OXR1: variants seen among roughly 807,000 people sequenced by gnomAD.
OXR1 encodes the protein oxidation resistance 1, also known as oxidation resistance protein 1.
In OXR1, 41 loss-of-function variants were observed where a neutral mutation model predicts 104.6. The observed-to-expected ratio is 0.39, with a 90% CI of 0.31 to 0.51. The LOEUF (loss-of-function observed/expected upper bound fraction) is 0.51. Ranked by LOEUF, OXR1 falls within the 20% of genes least tolerant of loss-of-function variation. The pLI is 0.77. For synonymous variants in OXR1, 348 were observed against 348.4 expected (o/e 1.00, Z 0.01); for missense variants, 955 against 1,031.9 (o/e 0.93, Z 1.02).
At chr8:106,741,077 T>A (rs1834880740) in intron 14 of OXR1, among the ~76,000 whole-genome samples, 1 of 152,150 alleles carries the variant, frequency 6.6e-6, no homozygotes, top group Non-Finnish European at 1.5e-5. Context: ...TATTTAATCA[T>A]GAAAGCCCTA....
intron 3 of OXR1, among the ~76,000 whole-genome samples, chr8:106,667,780 T>G (rs1309088294): frequency 6.6e-6 from 1 of 152,102 alleles, no homozygotes; most frequent in Non-Finnish European, 1.5e-5. Context: ...TCTAATCCAG[T>G]CACCCAGAGA....
chr8:106,706,535 G>A lies in OXR1; in HGVS notation c.1014G>A (p.Val338=). ...CTGAGGAGTCTCTTTCTGAAGATGT[G>A]TTCACAGAATCAGAACTTTCCCCTA... ...RSTEESLSED[V]FTESELSPIR... The change falls in exon 9 of 17, where the codon GTG becomes GTA. Residue 338 remains valine, a synonymous_variant. Transcript: ENST00000517566. 1.2e-6 allele frequency: 2 copies of A among 1,608,296 alleles called. No individual in the cohort carries two copies. The highest frequency in any genetic ancestry group is 2.2e-5 in the South Asian group (2 of 89,746).
intron 1 of OXR1, among the ~76,000 whole-genome samples, chr8:106,304,932 A>G (rs750680164): frequency 6.6e-6 from 1 of 152,176 alleles, no homozygotes; most frequent in Non-Finnish European, 1.5e-5. Flanking sequence ...GCAGAAGTCC[A>G]CATGCCTAGT....
At chr8:106,675,847 T>A (rs1827529163) in intron 3 of OXR1, among the ~76,000 whole-genome samples, 1 of 152,150 alleles carries the variant, frequency 6.6e-6, no homozygotes, top group African/African-American at 2.4e-5. Flanking sequence ...TCTTTGTTAA[T>A]TTTCTGTCTC....
intron 4 of OXR1, 72 bp from the exon 5 acceptor site, chr8:106,683,127 A>T (rs989670159): frequency 4.2e-6 from 3 of 710,186 alleles, no homozygotes; most frequent in Admixed American, 2.2e-5. Context: ...AGATATATTA[A>T]TGCTCATTAA....
At chr8:106,686,257 C>T (rs1828705289) in intron 6 of OXR1, among the ~76,000 whole-genome samples, 1 of 148,108 alleles carries the variant, frequency 6.8e-6, no homozygotes, top group Admixed American at 6.9e-5. Context: ...CACACCTGCT[C>T]CCTGAAAACA....
chr8:106,697,560 G>A (rs768082290), intron 7 of OXR1: 10 of 1,611,320 alleles, frequency 6.2e-6, no homozygotes, highest in South Asian at 4.4e-5. Context: ...ATTTCTTAGG[G>A]AACCAGTTGG....
At chr8:106,384,871 A>G (rs1008979483) in intron 2 of OXR1, among the ~76,000 whole-genome samples, 2 of 151,338 alleles carry the variant, frequency 1.3e-5, no homozygotes, top group Admixed American at 1.3e-4. Context: ...TGCACCACCA[A>G]GTCCAGCTAA....
chr8:106,405,623 C>T (rs1276531917), intron 2 of OXR1, among the ~76,000 whole-genome samples: 2 of 152,092 alleles, frequency 1.3e-5, no homozygotes, highest in East Asian at 1.9e-4. Flanking sequence ...ACCATGTGAA[C>T]AATCATAGGC....
chr8:106,299,624 C>T (rs1164843972), intron 1 of OXR1, among the ~76,000 whole-genome samples: 1 of 152,030 alleles, frequency 6.6e-6, no homozygotes, highest in Non-Finnish European at 1.5e-5. Flanking sequence ...TTCTCATATA[C>T]TCTTTCTCTT....
intron 8 of OXR1, 115 bp from the exon 9 acceptor site, chr8:106,706,267 C>T (rs553678189): frequency 4.4e-4 from 280 of 630,200 alleles, no homozygotes; most frequent in Non-Finnish European, 6.4e-4. Flanking sequence ...GAGATACGTG[C>T]TACATCCTTT....
At chr8:106,383,256 T>A (rs1308223931) in intron 2 of OXR1, among the ~76,000 whole-genome samples, 1 of 152,184 alleles carries the variant, frequency 6.6e-6, no homozygotes, top group Admixed American at 6.6e-5. Context: ...ATTAAAGTTG[T>A]TTTTATATTT....
chr8:106,688,340 CTAAT>C (rs1219433312), intron 6 of OXR1, among the ~76,000 whole-genome samples: 2 of 151,694 alleles, frequency 1.3e-5, no homozygotes, highest in Non-Finnish European at 2.9e-5. Context: ...GTATAATACT[CTAAT>C]CAATCTAAAA....
At chr8:106,372,488 A>T (rs1015988543) in intron 2 of OXR1, among the ~76,000 whole-genome samples, 1 of 152,098 alleles carries the variant, frequency 6.6e-6, no homozygotes, top group African/African-American at 2.4e-5. Context: ...ATACATGTTA[A>T]GCATCCCTAA....
At chr8:106,559,782 G>A (rs57356491) in intron 3 of OXR1, among the ~76,000 whole-genome samples, 4,734 of 152,104 alleles carry the variant, frequency 0.031, 132 homozygotes, top group African/African-American at 0.073. Context: ...TTTATGGGGC[G>A]GAACCTCATG....
At chr8:106,693,962 T>C (rs1829567022) in intron 7 of OXR1, among the ~76,000 whole-genome samples, 2 of 152,150 alleles carry the variant, frequency 1.3e-5, no homozygotes, top group South Asian at 4.1e-4. Context: ...GTGGTATGCA[T>C]TTTGCCCTAA....
intron 2 of OXR1, among the ~76,000 whole-genome samples, chr8:106,370,169 C>G (rs533654516): frequency 1.3e-5 from 2 of 151,950 alleles, no homozygotes. Context: ...GATTGTGAAT[C>G]GGAGTTCATT....
chr8:106,664,856 C>T (rs1339076067), intron 3 of OXR1, among the ~76,000 whole-genome samples: 1 of 152,192 alleles, frequency 6.6e-6, no homozygotes, highest in African/African-American at 2.4e-5. Flanking sequence ...CCTCCTTTGA[C>T]ATCATCAATA....
intron 2 of OXR1, among the ~76,000 whole-genome samples, chr8:106,490,477 G>A (rs1051775049): frequency 2.6e-5 from 4 of 152,144 alleles, no homozygotes; most frequent in African/African-American, 9.7e-5. Context: ...TCCTGCCTCA[G>A]CCTCCCTAGT....
Sources: allele counts gnomAD v4.1 joint callset (sites outside exome capture counted in the v4.1 genomes callset), GRCh38; gene constraint gnomAD v4.1.1; transcripts MANE v1.5; gene names NCBI Gene and HGNC (gene_info 2026-07-23, HGNC 2026-07-21).